The following SLC25A21 variants were observed in gnomAD, a reference collection of about 807,000 sequenced individuals.
SLC25A21 encodes solute carrier family 25 member 21.
SLC25A21 carries 47 observed loss-of-function variants against 43.8 expected under a neutral mutation model. That is an observed-to-expected ratio of 1.07 (90% CI 0.85 to 1.37). The LOEUF is 1.37. SLC25A21 is among the 40% of genes most tolerant of loss of function. SLC25A21 has a pLI of 0.00. For synonymous variants in SLC25A21, 131 were observed against 121.3 expected (o/e 1.08, Z -0.52); for missense variants, 352 against 350.2 (o/e 1.00, Z -0.04).
intron 2 of SLC25A21, among the ~76,000 whole-genome samples, chr14:36,852,366 G>A (rs1889767580): frequency 6.6e-6 from 1 of 152,018 alleles, no homozygotes; most frequent in African/African-American, 2.4e-5. Context: ...GGGCTGAGGG[G>A]GAACAGAACA....
chr14:36,851,364 T>C (rs887510406), intron 2 of SLC25A21, among the ~76,000 whole-genome samples: 5 of 152,130 alleles, frequency 3.3e-5, no homozygotes, highest in African/African-American at 7.2e-5. Flanking sequence ...TCCTTTACCT[T>C]AACAAGATGC....
At chr14:37,086,374 T>C (rs1962486973) in intron 1 of SLC25A21, among the ~76,000 whole-genome samples, 1 of 152,148 alleles carries the variant, frequency 6.6e-6, no homozygotes, top group Non-Finnish European at 1.5e-5. Context: ...TGCTAGGATA[T>C]GAGAGTTAAG....
At chr14:36,878,760 T>C (rs1415011175) in intron 1 of SLC25A21, among the ~76,000 whole-genome samples, 1 of 152,182 alleles carries the variant, frequency 6.6e-6, no homozygotes, top group Non-Finnish European at 1.5e-5. Flanking sequence ...TTCCATTTAA[T>C]AATCCATCCT....
chr14:37,002,891 G>T (rs1960518909), intron 1 of SLC25A21, among the ~76,000 whole-genome samples: 1 of 152,116 alleles, frequency 6.6e-6, no homozygotes, highest in Admixed American at 6.6e-5. Flanking sequence ...AAAGGTAACA[G>T]GTATAATTTA....
At chr14:36,891,351 A>C (rs944140071) in intron 1 of SLC25A21, among the ~76,000 whole-genome samples, 3 of 152,168 alleles carry the variant, frequency 2.0e-5, no homozygotes, top group African/African-American at 7.2e-5. Flanking sequence ...CAGATTTCAT[A>C]ATCTGTTGGT....
At chr14:36,945,642 A>G (rs1892662739) in intron 1 of SLC25A21, among the ~76,000 whole-genome samples, 1 of 152,228 alleles carries the variant, frequency 6.6e-6, no homozygotes, top group South Asian at 2.1e-4. Flanking sequence ...TTCCACTTAT[A>G]TATGGTATAT....
At chr14:37,106,588 A>G (rs8005564) in intron 1 of SLC25A21, among the ~76,000 whole-genome samples, 143,078 of 152,208 alleles carry the variant, frequency 0.94, 67,383 homozygotes, top group East Asian at 1. Context: ...TACAAGCACC[A>G]CTGAACACAG....
At chr14:36,751,154 CTCTGTCTATCAAGACTAGTAGAAA>C (rs1336772277) in intron 3 of SLC25A21, among the ~76,000 whole-genome samples, 1 of 152,180 alleles carries the variant, frequency 6.6e-6, no homozygotes, top group African/African-American at 2.4e-5. Context: ...TTCATTACAC[CTCTGTCTATCAAGACTAGTAGAAA>C]TCTGGGTTGG....
chr14:36,935,069 A>G (rs1355405064), intron 1 of SLC25A21, among the ~76,000 whole-genome samples: 1 of 152,088 alleles, frequency 6.6e-6, no homozygotes, highest in Non-Finnish European at 1.5e-5. Flanking sequence ...AACTCAAAAT[A>G]TCCTAGAAGT....
At chr14:37,168,436 A>C (rs1964067772) in intron 1 of SLC25A21, among the ~76,000 whole-genome samples, 1 of 152,142 alleles carries the variant, frequency 6.6e-6, no homozygotes, top group Non-Finnish European at 1.5e-5. Flanking sequence ...CCATCTTCTT[A>C]TAAAAGACAG....
At chr14:37,021,785 T>C (rs577842750) in intron 1 of SLC25A21, among the ~76,000 whole-genome samples, 61 of 152,096 alleles carry the variant, frequency 4.0e-4, no homozygotes, top group Admixed American at 6.6e-4. Context: ...CCAGTAACTA[T>C]TGTGCATTGA....
chr14:36,835,308 T>C (rs1377227815), intron 2 of SLC25A21, among the ~76,000 whole-genome samples: 1 of 152,198 alleles, frequency 6.6e-6, no homozygotes, highest in Non-Finnish European at 1.5e-5. Flanking sequence ...TCATCCTACA[T>C]GACATTAACA....
chr14:36,707,820 C>A (rs1175289352), intron 7 of SLC25A21, among the ~76,000 whole-genome samples: 8 of 152,206 alleles, frequency 5.3e-5, no homozygotes, highest in African/African-American at 1.9e-4. Flanking sequence ...ATTTATTCAA[C>A]TTTCACTTTT....
chr14:36,860,390 G>A (rs938602402), intron 2 of SLC25A21, among the ~76,000 whole-genome samples: 32 of 152,222 alleles, frequency 2.1e-4, no homozygotes, highest in African/African-American at 7.7e-4. Flanking sequence ...ACCATGTAGG[G>A]AAATGCCCTC....
chr14:36,792,205 C>A (rs558526175), intron 3 of SLC25A21, among the ~76,000 whole-genome samples: 1 of 152,040 alleles, frequency 6.6e-6, no homozygotes, highest in African/African-American at 2.4e-5. Flanking sequence ...ATGTGTCCCA[C>A]GCTAGTCCTA....
chr14:36,968,897 A>C (rs988505837), intron 1 of SLC25A21, among the ~76,000 whole-genome samples: 5 of 152,230 alleles, frequency 3.3e-5, no homozygotes, highest in Non-Finnish European at 7.3e-5. Context: ...ATCAAAGAAA[A>C]TAAAGTGAAA....
At chr14:37,026,677 C>A (rs1961099582) in intron 1 of SLC25A21, among the ~76,000 whole-genome samples, 1 of 152,058 alleles carries the variant, frequency 6.6e-6, no homozygotes, top group Non-Finnish European at 1.5e-5. Flanking sequence ...ATCAGAGCTG[C>A]AAAATGCTAT....
chr14:37,155,994 A>G (rs2138941546), intron 1 of SLC25A21, among the ~76,000 whole-genome samples: 1 of 152,106 alleles, frequency 6.6e-6, no homozygotes, highest in East Asian at 1.9e-4. Context: ...CCCTGTCTCT[A>G]CTAAAAATAC....
chr14:37,132,838 C>T (rs950778980), intron 1 of SLC25A21, among the ~76,000 whole-genome samples: 2 of 151,930 alleles, frequency 1.3e-5, no homozygotes, highest in African/African-American at 4.8e-5. Context: ...ACAGGTGATC[C>T]TCCCACTTCA....
Sources: allele counts gnomAD v4.1 joint callset (sites outside exome capture counted in the v4.1 genomes callset), GRCh38; gene constraint gnomAD v4.1.1; transcripts MANE v1.5; gene names NCBI Gene and HGNC (gene_info 2026-07-23, HGNC 2026-07-21).